Variants in MYL1 observed in about 807,000 individuals in gnomAD.
MYL1 encodes the protein myosin light chain 1/3, skeletal muscle isoform.
In MYL1, 16 loss-of-function variants were observed where a neutral mutation model predicts 21.8. The observed-to-expected ratio is 0.74, with a 90% CI of 0.50 to 1.12. MYL1 has a LOEUF of 1.12. Among genes scored for constraint, MYL1 ranks in the 50% most tolerant of loss-of-function variants. The pLI is 0.00. For synonymous variants in MYL1, 99 were observed against 85.2 expected (o/e 1.16, Z -0.89); for missense variants, 246 against 241.0 (o/e 1.02, Z -0.14).
chr2:210,312,299 A>G (rs1690428367), intron 1 of MYL1, among the ~76,000 whole-genome samples: 1 of 151,964 alleles, frequency 6.6e-6, no homozygotes, highest in African/African-American at 2.4e-5. Flanking sequence ...TTTATGAAAG[A>G]AAGTTTATAA....
At position 210,298,561 on chromosome 2, in the gene MYL1, A is replaced by C. The variant is rs1690216662; in HGVS notation, c.163T>G (p.Phe55Val). Residue 55 changes from phenylalanine to valine, a missense_variant and splice_region_variant, in exon 3 of 7, where the codon TTC becomes GTC. Phe to Val is a conservative substitution (Grantham distance 50, BLOSUM62 -1). Coordinates refer to ENST00000352451, the MANE Select transcript of MYL1 (RefSeq NM_079420.3). The stretch of plus-strand genomic sequence containing the variant: ...TCAAACAGGAGAAATGCCTCCTTGA[A>C]TTCTGCAAAAAGCAAGAAGCATTAG... Reference protein sequence around the residue: ...IEFSKEQQDEFKEAFLLFDRT... With the variant: ...IEFSKEQQDEVKEAFLLFDRT... The C allele has an allele frequency of 1.2e-6, 2 of 1,613,784 alleles. No individual in the cohort carries two copies. The highest frequency in any genetic ancestry group is 2.7e-5 in the African/African-American group (2 of 74,916).
rs560304012 is a variant in MYL1, at chr2:210,296,134, T to A, written c.305-1716A>T. 1.9e-4 allele frequency among the ~76,000 whole-genome samples: 29 copies of A among 152,306 alleles called. 1 individual carries two copies. In the South Asian group the frequency reaches 6.0e-3, roughly 32 times the overall value. Reference sequence around the variant, plus strand: ...ATATCTACTTGAAAAACTTCAGTTTTGTATCTCTTTCAAAAATTATTTTCG... The same window carrying A: ...ATATCTACTTGAAAAACTTCAGTTTAGTATCTCTTTCAAAAATTATTTTCG... On this transcript the variant is annotated intron_variant, in intron 3 of 6. Coordinates refer to ENST00000352451, the MANE Select transcript of MYL1 (RefSeq NM_079420.3).
Position 210,314,832 on chromosome 2 carries a change from T to C in MYL1, c.132+79A>G, listed in dbSNP as rs550255237. 5.1e-4 allele frequency: 755 copies of C among 1,491,878 alleles called. 3 individuals carry two copies. Among genetic ancestry groups the C allele is most frequent in the South Asian group, 3.2e-3 (273 of 85,984 alleles). 92.4% of individuals were successfully genotyped at this position (1,491,878 alleles called of 1,614,324 possible). On this transcript the variant is annotated intron_variant, in intron 1 of 6. Transcript: ENST00000352451. Reference sequence around the variant, plus strand: ...TAATGCTATTCCTCTCAATGAAAAATACACGCCTTTGCAAGTTCCTAGAGA... The same window carrying C: ...TAATGCTATTCCTCTCAATGAAAAACACACGCCTTTGCAAGTTCCTAGAGA...
intron 6 of MYL1, among the ~76,000 whole-genome samples, 161 bp downstream of exon 6, chr2:210,290,871 T>A (rs1345525576): frequency 6.6e-6 from 1 of 152,122 alleles, no homozygotes; most frequent in Non-Finnish European, 1.5e-5. Context: ...ATGCTCTATT[T>A]CTGAATAACC....
At chr2:210,308,231 CTT>C (rs1399320282) in intron 1 of MYL1, among the ~76,000 whole-genome samples, 3 of 151,566 alleles carry the variant, frequency 2.0e-5, no homozygotes, top group Non-Finnish European at 4.4e-5. Context: ...AATCCTTAAA[CTT>C]TACCTAATTT....
intron 1 of MYL1, among the ~76,000 whole-genome samples, chr2:210,313,659 T>G (rs1211848119): frequency 6.6e-6 from 1 of 152,000 alleles, no homozygotes; most frequent in Admixed American, 6.6e-5. Context: ...GATTAAATAT[T>G]CGTGATAATT....
intron 2 of MYL1, among the ~76,000 whole-genome samples, chr2:210,301,669 C>T (rs1471694339): frequency 2.6e-5 from 4 of 152,068 alleles, no homozygotes; most frequent in Non-Finnish European, 5.9e-5. Flanking sequence ...AAACATTCCT[C>T]CCTGCACTTG....
chr2:210,304,577 C>T (rs1292333338), intron 1 of MYL1, among the ~76,000 whole-genome samples: 1 of 152,208 alleles, frequency 6.6e-6, no homozygotes. Flanking sequence ...GAGTCTTGCT[C>T]TGTCACCCTG....
chr2:210,294,212 T>C, intron 4 of MYL1, 33 bp downstream of exon 4: 1 of 1,570,378 alleles, frequency 6.4e-7, no homozygotes, highest in Non-Finnish European at 8.6e-7. Context: ...ATATATTCTG[T>C]CTCACTAAGT....
Position 210,302,499 on chromosome 2 carries a change from T to C in MYL1, c.149A>G (p.Glu50Gly), listed in dbSNP as rs767367029. The change falls in exon 2 of 7, where the codon GAA (glutamate) becomes GGA (glycine). Residue 50 changes from glutamate (E) to glycine (G), a missense_variant. Glu to Gly is a moderately conservative substitution (Grantham distance 98). Coordinates refer to ENST00000352451, the MANE Select transcript of MYL1 (RefSeq NM_079420.3). ...LSAIKIEFSK[E>G]QQDEFKEAFL... ...GCTTTTAAACTTACCATCCTGCTGT[T>C]CCTTAGAGAACTCGATCTGTTAGAA... 3 of 1,609,714 alleles carry C rather than the reference T, an allele frequency of 1.9e-6. No homozygotes were observed. The highest frequency in any genetic ancestry group is 2.5e-6 in the Non-Finnish European group (3 of 1,178,724).
At chr2:210,298,229 A>G (rs1690206147) in intron 3 of MYL1, among the ~76,000 whole-genome samples, 191 bp downstream of exon 3, 1 of 151,926 alleles carries the variant, frequency 6.6e-6, no homozygotes, top group Admixed American at 6.6e-5. Flanking sequence ...TTCTATGGCC[A>G]AGAGGCACAC....
chr2:210,310,096 G>T (rs1690395360), intron 1 of MYL1, among the ~76,000 whole-genome samples: 1 of 151,960 alleles, frequency 6.6e-6, no homozygotes, highest in Non-Finnish European at 1.5e-5. Flanking sequence ...TGCTCCTGAG[G>T]TTATATTTAC....
intron 2 of MYL1, among the ~76,000 whole-genome samples, chr2:210,298,771 T>A (rs1346027586): frequency 6.6e-6 from 1 of 152,194 alleles, no homozygotes; most frequent in Admixed American, 6.6e-5. Flanking sequence ...AAACAGCATT[T>A]CCAACTTTAA....
chr2:210,307,636 C>T (rs1331034417), intron 1 of MYL1, among the ~76,000 whole-genome samples: 2 of 152,062 alleles, frequency 1.3e-5, no homozygotes, highest in African/African-American at 4.8e-5. Flanking sequence ...TCTTAGTAAA[C>T]TAGTTACATT....
At chr2:210,297,754 AT>A (rs1048976301) in intron 3 of MYL1, among the ~76,000 whole-genome samples, 2 of 151,392 alleles carry the variant, frequency 1.3e-5, no homozygotes, top group Non-Finnish European at 3.0e-5. Context: ...TTTATCACTG[AT>A]TTTTTTCCTA....
intron 3 of MYL1, 77 bp downstream of exon 3, chr2:210,298,343 C>CACACAT: frequency 1.1e-6 from 1 of 928,822 alleles, no homozygotes; most frequent in Non-Finnish European, 1.5e-6. Flanking sequence ...ACATACTACA[C>CACACAT]ACACACACAC....
In MYL1 at chr2:210,305,003, T is replaced by C. The variant is rs16844314; in HGVS notation, c.133-2488A>G. 4.9e-3 allele frequency among the ~76,000 whole-genome samples: 746 copies of C among 152,332 alleles called. 6 individuals are homozygous for C. The highest frequency in any genetic ancestry group is 0.017 in the African/African-American group (702 of 41,564). On this transcript the variant is annotated intron_variant, in intron 1 of 6. Transcript: ENST00000352451. ...TCCACTAAAGTTCACACAAAATATTTATCAGTTTTCTACATGTTTAAAGCA... is the reference window on the plus strand; with the variant it reads ...TCCACTAAAGTTCACACAAAATATTCATCAGTTTTCTACATGTTTAAAGCA...
chr2:210,309,148 A>T (rs1690381536), intron 1 of MYL1, among the ~76,000 whole-genome samples: 1 of 152,006 alleles, frequency 6.6e-6, no homozygotes, highest in Non-Finnish European at 1.5e-5. Flanking sequence ...AGGATTCCTT[A>T]TGTTTCTACA....
chr2:210,298,422 T>G lies in MYL1; in HGVS notation c.302A>C (p.Glu101Ala). The G allele has an allele frequency of 6.2e-7, 1 of 1,613,682 alleles. No individual in the cohort carries two copies. Among genetic ancestry groups the G allele is most frequent in the Non-Finnish European group, 8.5e-7 (1 of 1,179,832 alleles). Residue 101 changes from glutamate to alanine, a missense_variant and splice_region_variant, in exon 3 of 7, where the codon GAA (glutamate) becomes GCA (alanine). By Grantham distance (107) the Glu-to-Ala change is moderately radical (BLOSUM62 -1). Coordinates refer to ENST00000352451, the MANE Select transcript of MYL1 (RefSeq NM_079420.3). The stretch of plus-strand genomic sequence containing the variant: ...TCTTGGAAAAATTGATGGGTTACCT[T>G]CATTGCTGGGGTTTCCCAGAACTTT... ...VRKVLGNPSN[E>A]ELNAKKIEFE... is the part of the protein sequence containing the mutation.
Sources: allele counts gnomAD v4.1 joint callset (sites outside exome capture counted in the v4.1 genomes callset), GRCh38; gene constraint gnomAD v4.1.1; transcripts MANE v1.5; gene names NCBI Gene and HGNC (gene_info 2026-07-23, HGNC 2026-07-21).